Variants in NXPH1 observed in about 807,000 individuals in gnomAD.
The protein encoded by NXPH1 is neurexophilin 1.
In NXPH1, 5 loss-of-function variants were observed where a neutral mutation model predicts 23.7. The ratio of observed to expected loss-of-function variants is 0.21; its 90% CI spans 0.11 to 0.44. NXPH1 has a LOEUF of 0.44. NXPH1 is among the 20% of genes least tolerant of loss of function. The pLI is 0.99. For missense variants in NXPH1, 324 were observed against 321.6 expected (o/e 1.01, Z -0.06); for synonymous variants, 144 against 122.2 (o/e 1.18, Z -1.18).
rs571090608 is a variant in NXPH1 at position 8,679,645 on chromosome 7, T to C, written c.55-71363T>C. ...GTCTTTGGTTAAGAACAAATATTTG[T>C]GATCAAATGTGTCTGAATTGGGTGA... On this transcript the variant is annotated intron_variant, in intron 2 of 2. Transcript: ENST00000405863. Among the ~76,000 whole-genome samples the C allele has an allele frequency of 1.5e-4, 23 of 152,374 alleles. No homozygotes were observed. The East Asian group carries it at 4.0e-3, about 27-fold the overall frequency.
intron 2 of NXPH1, among the ~76,000 whole-genome samples, chr7:8,489,116 T>G (rs1469693964): frequency 2.6e-5 from 4 of 152,106 alleles, no homozygotes; most frequent in Admixed American, 2.0e-4. Flanking sequence ...GAATTTCATG[T>G]GATTGGCTGT....
intron 2 of NXPH1, among the ~76,000 whole-genome samples, chr7:8,632,136 T>C (rs1820144962): frequency 6.6e-6 from 1 of 152,174 alleles, no homozygotes; most frequent in African/African-American, 2.4e-5. Flanking sequence ...AAAATTGCCA[T>C]ATACTTCCTT....
Position 8,523,683 on chromosome 7 carries a change from C to G in NXPH1, c.54+87916C>G, listed in dbSNP as rs145162096. On this transcript the variant is annotated intron_variant, in intron 2 of 2. Transcript: ENST00000405863. ...CTAAGGAGCTCTAAAAGACCTGACACAGACTAGGCATACAACAAACATTTG... is the reference window on the plus strand; with the variant it reads ...CTAAGGAGCTCTAAAAGACCTGACAGAGACTAGGCATACAACAAACATTTG... Among the ~76,000 whole-genome samples the G allele has an allele frequency of 3.8e-3, 585 of 152,314 alleles. 5 individuals carry two copies. Among genetic ancestry groups the G allele is most frequent in the African/African-American group, 0.014 (568 of 41,580 alleles).
At position 8,610,369 on chromosome 7, in the gene NXPH1, A is replaced by G. The variant is rs144050736; in HGVS notation, c.55-140639A>G. ...CCTGTCAACATTCTCCCCTTTCCTT[A>G]TAATTTTCTGTCTATTTCCAGATCT... On this transcript the variant is annotated intron_variant, in intron 2 of 2. Coordinates refer to ENST00000405863, the MANE Select transcript of NXPH1 (RefSeq NM_152745.3). Among the ~76,000 whole-genome samples the G allele has an allele frequency of 3.1e-3, 466 of 152,260 alleles. 4 individuals carry two copies. The highest frequency in any genetic ancestry group is 0.011 in the African/African-American group (452 of 41,558).
intron 2 of NXPH1, among the ~76,000 whole-genome samples, chr7:8,696,781 C>T (rs1191044912): frequency 1.4e-5 from 2 of 144,102 alleles, no homozygotes; most frequent in Non-Finnish European, 3.0e-5. Context: ...ACGGAGCTTG[C>T]GGTGAGCCGA....
At chr7:8,690,786 G>A (rs187302999) in intron 2 of NXPH1, among the ~76,000 whole-genome samples, 23 of 152,200 alleles carry the variant, frequency 1.5e-4, no homozygotes, top group Non-Finnish European at 2.5e-4. Flanking sequence ...TCATATTGAC[G>A]CATTTACTGC....
At chr7:8,467,758 C>T (rs1037829443) in intron 2 of NXPH1, among the ~76,000 whole-genome samples, 2 of 152,086 alleles carry the variant, frequency 1.3e-5, no homozygotes, top group Non-Finnish European at 2.9e-5. Flanking sequence ...AAGATAGCAA[C>T]CTCTTTCAAT....
chr7:8,617,272 G>T (rs1819764638), intron 2 of NXPH1, among the ~76,000 whole-genome samples: 1 of 152,020 alleles, frequency 6.6e-6, no homozygotes. Context: ...AGAACTTGCT[G>T]TTGGAGTAGA....
At chr7:8,529,487 C>T (rs1436117095) in intron 2 of NXPH1, among the ~76,000 whole-genome samples, 1 of 152,166 alleles carries the variant, frequency 6.6e-6, no homozygotes, top group Admixed American at 6.5e-5. Flanking sequence ...GATAAGGGTT[C>T]ACACCTGCCA....
At chr7:8,749,037 T>C (rs374572108) in intron 2 of NXPH1, among the ~76,000 whole-genome samples, 19 of 152,310 alleles carry the variant, frequency 1.2e-4, no homozygotes, top group African/African-American at 4.6e-4. Context: ...TCTATGTCCC[T>C]GGGGGAGCCC....
intron 2 of NXPH1, among the ~76,000 whole-genome samples, chr7:8,607,353 AT>A (rs1819517938): frequency 6.6e-6 from 1 of 152,208 alleles, no homozygotes; most frequent in African/African-American, 2.4e-5. Context: ...ATTTGGCTTC[AT>A]ACTTTTCTTG....
chr7:8,638,546 G>T (rs1820255155), intron 2 of NXPH1, among the ~76,000 whole-genome samples: 1 of 152,176 alleles, frequency 6.6e-6, no homozygotes, highest in South Asian at 2.1e-4. Context: ...TGAGAACGAA[G>T]GAATGCCTTA....
At chr7:8,700,641 T>G (rs1328806936) in intron 2 of NXPH1, among the ~76,000 whole-genome samples, 2 of 152,176 alleles carry the variant, frequency 1.3e-5, no homozygotes, top group Admixed American at 1.3e-4. Context: ...ATATTTGCCT[T>G]CTTAAATAGT....
chr7:8,732,782 T>TCA (rs1412335212), intron 2 of NXPH1, among the ~76,000 whole-genome samples: 2 of 152,086 alleles, frequency 1.3e-5, no homozygotes, highest in African/African-American at 2.4e-5. Flanking sequence ...AATCAGTGAG[T>TCA]GGTGAGGAAA....
At chr7:8,568,685 A>C (rs1205234816) in intron 2 of NXPH1, among the ~76,000 whole-genome samples, 3 of 151,878 alleles carry the variant, frequency 2.0e-5, no homozygotes, top group Non-Finnish European at 4.4e-5. Context: ...AACAGAATAA[A>C]TATTTATTGA....
intron 2 of NXPH1, among the ~76,000 whole-genome samples, chr7:8,587,444 C>T: frequency 6.6e-6 from 1 of 152,034 alleles, no homozygotes; most frequent in East Asian, 1.9e-4. Context: ...TCCAAAATAG[C>T]TGGGACTATA....
intron 2 of NXPH1, among the ~76,000 whole-genome samples, chr7:8,572,210 A>G (rs964055954): frequency 6.6e-6 from 1 of 152,022 alleles, no homozygotes; most frequent in Non-Finnish European, 1.5e-5. Flanking sequence ...TTATCTGGAT[A>G]CTTCCTCCAA....
At chr7:8,630,353 T>C (rs1457194140) in intron 2 of NXPH1, among the ~76,000 whole-genome samples, 1 of 152,174 alleles carries the variant, frequency 6.6e-6, no homozygotes, top group Non-Finnish European at 1.5e-5. Flanking sequence ...ATTCTCAAGA[T>C]ATTTAATGAT....
chr7:8,695,712 G>T (rs1435998236), intron 2 of NXPH1, among the ~76,000 whole-genome samples: 1 of 152,004 alleles, frequency 6.6e-6, no homozygotes, highest in Non-Finnish European at 1.5e-5. Context: ...TACTACCATT[G>T]ACAAGAACTG....
Sources: gnomAD v4.1 joint callset for allele counts (sites outside exome capture counted in the v4.1 genomes callset) on GRCh38, gnomAD v4.1.1 for gene constraint, MANE v1.5 for transcripts, NCBI Gene and HGNC (gene_info 2026-07-23, HGNC 2026-07-21) for gene names.